Variants in WWOX observed in about 807,000 individuals in gnomAD.
WWOX encodes the protein WW domain containing oxidoreductase.
In WWOX, 69 loss-of-function variants were observed where a neutral mutation model predicts 46.2. The observed-to-expected ratio is 1.49, with a 90% CI of 1.23 to 1.82. The LOEUF (loss-of-function observed/expected upper bound fraction) is 1.82, where lower values mean the gene tolerates loss of function less well. Ranked by LOEUF, WWOX falls within the 40% of genes most tolerant of loss-of-function variation. The pLI, the probability that WWOX is intolerant of heterozygous loss-of-function variation, is 0.00. For synonymous variants in WWOX, 359 were observed against 202.6 expected (o/e 1.77, Z -6.56); for missense variants, 919 against 542.6 (o/e 1.69, Z -6.89).
intron 8 of WWOX, chr16:79,017,507 T>A (rs2047442003): frequency 6.9e-6 from 1 of 144,618 alleles, no homozygotes; most frequent in African/African-American, 2.6e-5. Flanking sequence ...ATGAGCAAAC[T>A]GTTTTTATAA....
chr16:78,100,965 CAT>C (rs957908223), intron 1 of WWOX, among the ~76,000 whole-genome samples: 5 of 152,048 alleles, frequency 3.3e-5, no homozygotes, highest in African/African-American at 1.2e-4. Context: ...TTTTGAGAAA[CAT>C]GGATGTAAAT....
intron 8 of WWOX, among the ~76,000 whole-genome samples, chr16:78,968,933 A>T (rs1237115687): frequency 1.3e-5 from 2 of 151,260 alleles, no homozygotes; most frequent in Non-Finnish European, 2.9e-5. Flanking sequence ...AAAAAAAAAG[A>T]CAACTTGAAA....
At chr16:78,618,028 T>C (rs1327194935) in intron 8 of WWOX, among the ~76,000 whole-genome samples, 1 of 152,202 alleles carries the variant, frequency 6.6e-6, no homozygotes, top group African/African-American at 2.4e-5. Flanking sequence ...GAGCCAGATG[T>C]AGTGTTCAGT....
At chr16:79,134,604 C>T (rs578261956) in intron 8 of WWOX, among the ~76,000 whole-genome samples, 168 of 152,276 alleles carry the variant, frequency 1.1e-3, no homozygotes, top group African/African-American at 3.8e-3. Flanking sequence ...AATGCAGACA[C>T]ATACAGACAC....
At chr16:78,657,858 C>T (rs994861555) in intron 8 of WWOX, among the ~76,000 whole-genome samples, 8 of 151,280 alleles carry the variant, frequency 5.3e-5, no homozygotes, top group Non-Finnish European at 1.0e-4. Flanking sequence ...TTTTGTTTTT[C>T]GGGGGCTGGA....
At chr16:78,772,122 A>G (rs78785915) in intron 8 of WWOX, among the ~76,000 whole-genome samples, 6,937 of 152,254 alleles carry the variant, frequency 0.046, 203 homozygotes, top group South Asian at 0.11. Flanking sequence ...GGTTTGTTGA[A>G]CAGATTATTT....
intron 8 of WWOX, among the ~76,000 whole-genome samples, chr16:78,832,354 C>G (rs1357279048): frequency 1.3e-5 from 2 of 152,104 alleles, no homozygotes; most frequent in Non-Finnish European, 2.9e-5. Context: ...GTGGCATGGC[C>G]TTTTAAGCCC....
At chr16:78,478,089 C>G (rs1358727358) in intron 8 of WWOX, among the ~76,000 whole-genome samples, 1 of 152,046 alleles carries the variant, frequency 6.6e-6, no homozygotes, top group Non-Finnish European at 1.5e-5. Flanking sequence ...AATATATTAA[C>G]TGAGTTATAA....
intron 8 of WWOX, among the ~76,000 whole-genome samples, chr16:79,117,866 C>A (rs1481664350): frequency 6.6e-6 from 1 of 152,182 alleles, no homozygotes; most frequent in Non-Finnish European, 1.5e-5. Flanking sequence ...GAGTGAGGGC[C>A]TTGCTCTGGA....
chr16:79,209,198 G>A (rs1036035426), intron 8 of WWOX, among the ~76,000 whole-genome samples: 2 of 152,220 alleles, frequency 1.3e-5, no homozygotes, highest in Non-Finnish European at 2.9e-5. Context: ...AGGTTGGCAT[G>A]AAATGAAGCC....
At chr16:79,108,972 C>G (rs781184061) in intron 8 of WWOX, among the ~76,000 whole-genome samples, 3 of 151,340 alleles carry the variant, frequency 2.0e-5, no homozygotes, top group East Asian at 3.9e-4. Context: ...GTCATCTGAG[C>G]AACATTATCC....
intron 8 of WWOX, among the ~76,000 whole-genome samples, chr16:78,442,574 T>A (rs1349943370): frequency 6.6e-6 from 1 of 152,134 alleles, no homozygotes; most frequent in African/African-American, 2.4e-5. Context: ...CTGGCTTATT[T>A]TACGATAAAT....
At chr16:78,837,423 T>C (rs1030649232) in intron 8 of WWOX, among the ~76,000 whole-genome samples, 4 of 152,216 alleles carry the variant, frequency 2.6e-5, no homozygotes, top group Non-Finnish European at 5.9e-5. Context: ...TTCACGGCAG[T>C]GGTTGAACCA....
Position 78,975,832 on chromosome 16 carries a change from C to A in WWOX, c.1057-235776C>A, listed in dbSNP as rs116018144. Among the ~76,000 whole-genome samples, 547 of 152,232 alleles carry A rather than the reference C, an allele frequency of 3.6e-3. 5 individuals are homozygous for A. The highest frequency in any genetic ancestry group is 0.013 in the African/African-American group (525 of 41,548). Reference sequence around the variant, plus strand: ...GAGGGTGGGAGGAAACAGGCAAGACCTCTGGCTCCTAGAACCGTAAGGACC... The same window carrying A: ...GAGGGTGGGAGGAAACAGGCAAGACATCTGGCTCCTAGAACCGTAAGGACC... On this transcript the variant is annotated intron_variant, in intron 8 of 8. Transcript: ENST00000566780.
chr16:78,990,706 A>G (rs776063376), intron 8 of WWOX, among the ~76,000 whole-genome samples: 1 of 152,078 alleles, frequency 6.6e-6, no homozygotes, highest in Non-Finnish European at 1.5e-5. Context: ...AAGAAGGAAG[A>G]AGGAAGGAGG....
At chr16:78,763,253 G>A (rs2049838394) in intron 8 of WWOX, among the ~76,000 whole-genome samples, 1 of 152,216 alleles carries the variant, frequency 6.6e-6, no homozygotes, top group African/African-American at 2.4e-5. Flanking sequence ...TGCTTTACCT[G>A]CATCCTGCAA....
chr16:78,601,416 G>C (rs1340330820), intron 8 of WWOX, among the ~76,000 whole-genome samples: 1 of 148,312 alleles, frequency 6.7e-6, no homozygotes, highest in African/African-American at 2.5e-5. Flanking sequence ...TCCTTGACTG[G>C]TGCATGGGAA....
At chr16:78,233,177 GA>G (rs1410692193) in intron 5 of WWOX, among the ~76,000 whole-genome samples, 1 of 152,174 alleles carries the variant, frequency 6.6e-6, no homozygotes, top group Non-Finnish European at 1.5e-5. Flanking sequence ...TCATATATCT[GA>G]AATGTTCTGA....
intron 8 of WWOX, among the ~76,000 whole-genome samples, chr16:79,081,394 C>G (rs1328521737): frequency 4.6e-5 from 7 of 152,138 alleles, no homozygotes; most frequent in Admixed American, 2.0e-4. Flanking sequence ...GAATTCTTGA[C>G]CTCAGGTGAT....
Sources: allele counts gnomAD v4.1 joint callset (sites outside exome capture counted in the v4.1 genomes callset), GRCh38; gene constraint gnomAD v4.1.1; transcripts MANE v1.5; gene names NCBI Gene and HGNC (gene_info 2026-07-23, HGNC 2026-07-21).